CDH17: variants seen among roughly 807,000 people sequenced by gnomAD.
CDH17 encodes cadherin 17.
In CDH17, 67 loss-of-function variants were observed where a neutral mutation model predicts 86.3. That is an observed-to-expected ratio of 0.78 (90% CI 0.64 to 0.95). The LOEUF (loss-of-function observed/expected upper bound fraction) is 0.95. CDH17 is among the 40% of genes least tolerant of loss of function. The pLI is 0.00. For missense variants in CDH17, 993 were observed against 1,017.6 expected (o/e 0.98, Z 0.33); for synonymous variants, 367 against 366.4 (o/e 1.00, Z -0.02).
At chr8:94,210,527 GAC>G (rs1330758997), upstream of CDH17, among the ~76,000 whole-genome samples, 11 of 152,274 alleles carry the variant, frequency 7.2e-5, no homozygotes, top group East Asian at 2.1e-3. Context: ...ACATGGTTTA[GAC>G]ATCCTTCCAG....
rs1231513227 is a variant in CDH17, at chr8:94,135,415, C to T, written c.2168-4423G>A. 6.6e-5 allele frequency among the ~76,000 whole-genome samples: 10 copies of T among 152,200 alleles called. No individual in the cohort carries two copies. The South Asian group carries it at 1.4e-3, about 22-fold the overall frequency. On this transcript the variant is annotated intron_variant, in intron 15 of 17. Coordinates refer to ENST00000027335, the MANE Select transcript of CDH17 (RefSeq NM_004063.4). ...TGATCCCTTTACCATTATGTAATGG[C>T]CTCCTTTGTCTCTTTTCATCTTTGT... is the stretch of plus-strand genomic sequence containing the variant.
chr8:94,203,515 T>C (rs1341938748), intron 1 of CDH17, among the ~76,000 whole-genome samples: 1 of 152,154 alleles, frequency 6.6e-6, no homozygotes, highest in Non-Finnish European at 1.5e-5. Flanking sequence ...CAGATAGATA[T>C]AAAGATCAGA....
At chr8:94,165,312 C>T (rs1813130607) in intron 10 of CDH17, among the ~76,000 whole-genome samples, 1 of 152,140 alleles carries the variant, frequency 6.6e-6, no homozygotes, top group South Asian at 2.1e-4. Context: ...CCTCTGACAG[C>T]CCCCTTTAGA....
Position 94,162,212 on chromosome 8 carries a change from T to C in CDH17, c.1283-50A>G, listed in dbSNP as rs781040137. On this transcript the variant is annotated intron_variant, in intron 10 of 17. Coordinates refer to ENST00000027335, the MANE Select transcript of CDH17 (RefSeq NM_004063.4). ...AGAAATTTTCACTGAAAACCATGCA[T>C]TAATATCAGAAATCTGCAAGAAAAT... The C allele has an allele frequency of 2.5e-6, 3 of 1,181,800 alleles. No individual in the cohort carries two copies. The South Asian group carries it at 3.8e-5, about 15-fold the overall frequency. 73.2% of individuals were successfully genotyped at this position (1,181,800 alleles called of 1,614,324 possible). A position where few individuals can be genotyped will look rare whatever the true frequency, so the allele number is the denominator to read the frequency against.
intron 3 of CDH17, among the ~76,000 whole-genome samples, chr8:94,182,317 A>G (rs1368369324): frequency 1.3e-5 from 2 of 152,150 alleles, no homozygotes; most frequent in African/African-American, 4.8e-5. Flanking sequence ...AAAAAAGTCA[A>G]TGCAAGAAAA....
At chr8:94,206,108 C>T (rs893081628) in intron 1 of CDH17, among the ~76,000 whole-genome samples, 2 of 151,698 alleles carry the variant, frequency 1.3e-5, no homozygotes, top group Admixed American at 1.3e-4. Context: ...GAGAAATTTT[C>T]TTTGTACCAC....
At chr8:94,134,824 G>A (rs1005920435) in intron 15 of CDH17, among the ~76,000 whole-genome samples, 21 of 152,166 alleles carry the variant, frequency 1.4e-4, no homozygotes, top group Non-Finnish European at 2.6e-4. Flanking sequence ...TCTACACACT[G>A]CTTTAAATGT....
chr8:94,156,818 G>A lies in CDH17; in HGVS notation c.1551+3153C>T, dbSNP rs1056246335. On this transcript the variant is annotated intron_variant, in intron 12 of 17. Transcript: ENST00000027335. ...CTGCAAGCTGCTGGATGCTGTGTTA[G>A]GAACTATACACATACTTTTGCATTT... Among the ~76,000 whole-genome samples, 18 of 152,322 alleles carry A rather than the reference G, an allele frequency of 1.2e-4. No individual in the cohort carries two copies. In the South Asian group the frequency reaches 2.7e-3, roughly 23 times the overall value.
At chr8:94,148,929 G>A in intron 13 of CDH17, 55 bp from the exon 14 acceptor site, 1 of 1,534,016 alleles carries the variant, frequency 6.5e-7, no homozygotes, top group Non-Finnish European at 8.8e-7. Context: ...ATGAAAATGT[G>A]AAGCTAGTTT....
At chr8:94,157,313 AT>A (rs1429492946) in intron 12 of CDH17, among the ~76,000 whole-genome samples, 3 of 152,244 alleles carry the variant, frequency 2.0e-5, no homozygotes, top group Non-Finnish European at 4.4e-5. Context: ...AAAGCCATAC[AT>A]AAAAAACCAA....
chr8:94,214,176 T>C (rs1470752046), intron 1 of CDH17, among the ~76,000 whole-genome samples: 1 of 152,104 alleles, frequency 6.6e-6, no homozygotes, highest in Non-Finnish European at 1.5e-5. Flanking sequence ...TACCCCTTCA[T>C]GTTAGCCCTG....
intron 15 of CDH17, among the ~76,000 whole-genome samples, chr8:94,143,987 C>T (rs774965428): frequency 6.6e-6 from 1 of 152,212 alleles, no homozygotes; most frequent in Non-Finnish European, 1.5e-5. Flanking sequence ...CTTGGCTAAG[C>T]ATTTCATGCA....
intron 1 of CDH17, among the ~76,000 whole-genome samples, chr8:94,207,228 AT>A (rs1340508391): frequency 6.6e-6 from 1 of 152,210 alleles, no homozygotes; most frequent in East Asian, 1.9e-4. Context: ...GGCATCACTG[AT>A]TTTTTTCTTA....
At chr8:94,137,840 T>C (rs942337550) in intron 15 of CDH17, among the ~76,000 whole-genome samples, 1 of 152,236 alleles carries the variant, frequency 6.6e-6, no homozygotes, top group Admixed American at 6.5e-5. Flanking sequence ...AATTTTATCA[T>C]GTAGATTATT....
At chr8:94,188,615 A>C (rs958104062) in intron 3 of CDH17, among the ~76,000 whole-genome samples, 20 of 152,216 alleles carry the variant, frequency 1.3e-4, no homozygotes, top group African/African-American at 3.9e-4. Context: ...AGCACTTAAG[A>C]TGGGACTTAG....
intron 11 of CDH17, among the ~76,000 whole-genome samples, chr8:94,160,825 C>T (rs1340860825): frequency 6.6e-6 from 1 of 152,148 alleles, no homozygotes; most frequent in African/African-American, 2.4e-5. Context: ...AGTTATGTTA[C>T]CATCTCCACT....
chr8:94,199,943 C>T lies in CDH17; in HGVS notation c.-20-5238G>A, dbSNP rs117138684. On this transcript the variant is annotated intron_variant, in intron 1 of 17. Coordinates refer to ENST00000027335, the MANE Select transcript of CDH17 (RefSeq NM_004063.4). Reference sequence around the variant, plus strand: ...ACTGTTGGCCAAAAATTCATTTTGCCACTCACGTTTGCTTAGTCAAAACTG... The same window carrying T: ...ACTGTTGGCCAAAAATTCATTTTGCTACTCACGTTTGCTTAGTCAAAACTG... Among the ~76,000 whole-genome samples, 148 of 152,246 alleles carry T rather than the reference C, an allele frequency of 9.7e-4. 3 individuals carry two copies. In the East Asian group the frequency reaches 0.026, roughly 27 times the overall value.
At chr8:94,179,781 T>G (rs920605022) in intron 3 of CDH17, among the ~76,000 whole-genome samples, 1 of 152,180 alleles carries the variant, frequency 6.6e-6, no homozygotes, top group Non-Finnish European at 1.5e-5. Flanking sequence ...TGACAAAGAA[T>G]ACAGACTTTA....
rs374124107 is a variant in CDH17 at position 94,128,249 on chromosome 8, C to T, written c.2490G>A (p.Leu830=). Residue 830 remains leucine, a synonymous_variant, in exon 18 of 18, where the codon CTG becomes CTA. Coordinates refer to ENST00000027335, the MANE Select transcript of CDH17 (RefSeq NM_004063.4). The part of the protein sequence containing the change: ...ESAQASEVKP[L]RS The stretch of plus-strand genomic sequence containing the variant: ...ACATTCCTTTTCAAATTCAGCTTCT[C>T]AGAGGTTTGACTTCAGATGCTTGAG... 7 of 1,608,652 alleles carry T rather than the reference C, an allele frequency of 4.4e-6. No homozygotes were observed. In the African/African-American group the frequency reaches 6.7e-5, roughly 15 times the overall value.
Sources: allele counts gnomAD v4.1 joint callset (sites outside exome capture counted in the v4.1 genomes callset), GRCh38; gene constraint gnomAD v4.1.1; transcripts MANE v1.5; gene names NCBI Gene and HGNC (gene_info 2026-07-23, HGNC 2026-07-21).